The following SLC16A10 variants were observed in gnomAD, a reference collection of about 807,000 sequenced individuals.
SLC16A10 encodes the protein solute carrier family 16 member 10.
In SLC16A10, 27 loss-of-function variants were observed where a neutral mutation model predicts 40.0. That is an observed-to-expected ratio of 0.67 (90% confidence interval 0.50 to 0.93). The LOEUF is 0.93. Ranked by LOEUF, SLC16A10 falls within the 40% of genes least tolerant of loss-of-function variation. SLC16A10 has a pLI of 0.00. For missense variants in SLC16A10, 529 were observed against 658.2 expected (o/e 0.80, Z 2.15); for synonymous variants, 213 against 249.8 (o/e 0.85, Z 1.39).
intron 3 of SLC16A10, among the ~76,000 whole-genome samples, chr6:111,180,336 C>T (rs1034513784): frequency 4.6e-5 from 7 of 152,240 alleles, no homozygotes; most frequent in Admixed American, 4.6e-4. Flanking sequence ...TTGAGCCCAG[C>T]AGTTCAAGAC....
intron 1 of SLC16A10, among the ~76,000 whole-genome samples, chr6:111,158,588 C>T (rs549289364): frequency 6.6e-6 from 1 of 152,314 alleles, no homozygotes; most frequent in East Asian, 1.9e-4. Flanking sequence ...TACCACTCAC[C>T]TCCTGCTGTG....
chr6:111,111,757 G>A (rs1771390449), intron 1 of SLC16A10, among the ~76,000 whole-genome samples: 2 of 152,146 alleles, frequency 1.3e-5, no homozygotes, highest in South Asian at 4.1e-4. Context: ...GGTCGTGTAA[G>A]TATTTGTCTT....
chr6:111,095,882 C>T (rs1771065635), intron 1 of SLC16A10, among the ~76,000 whole-genome samples: 1 of 152,126 alleles, frequency 6.6e-6, no homozygotes, highest in African/African-American at 2.4e-5. Context: ...TATAAATTAC[C>T]CAGCCTCAGA....
At chr6:111,193,523 C>G (rs1240894790) in intron 3 of SLC16A10, among the ~76,000 whole-genome samples, 3 of 152,108 alleles carry the variant, frequency 2.0e-5, no homozygotes, top group African/African-American at 7.2e-5. Flanking sequence ...AGCATAGGAA[C>G]TTGACAGAAG....
chr6:111,131,464 G>A (rs948817674), intron 1 of SLC16A10, among the ~76,000 whole-genome samples: 1 of 152,160 alleles, frequency 6.6e-6, no homozygotes, highest in Admixed American at 6.5e-5. Flanking sequence ...TAAGAACAAG[G>A]ACCCCCCGGT....
At chr6:111,146,426 T>C (rs1772077600) in intron 1 of SLC16A10, among the ~76,000 whole-genome samples, 1 of 152,140 alleles carries the variant, frequency 6.6e-6, no homozygotes, top group Non-Finnish European at 1.5e-5. Flanking sequence ...TACTTTTAGG[T>C]GTATACCCAA....
chr6:111,142,684 T>C (rs1772005043), intron 1 of SLC16A10, among the ~76,000 whole-genome samples: 1 of 152,172 alleles, frequency 6.6e-6, no homozygotes, highest in South Asian at 2.1e-4. Context: ...ACTACACACT[T>C]ATTAGAATGG....
At chr6:111,188,283 C>T (rs1005964579) in intron 3 of SLC16A10, among the ~76,000 whole-genome samples, 7 of 151,214 alleles carry the variant, frequency 4.6e-5, no homozygotes, top group Non-Finnish European at 1.0e-4. Context: ...CTCTCCCTCC[C>T]TTCCTTCTTT....
intron 4 of SLC16A10, among the ~76,000 whole-genome samples, chr6:111,216,475 C>T (rs1031131707): frequency 3.3e-5 from 5 of 151,856 alleles, no homozygotes; most frequent in Admixed American, 6.6e-5. Context: ...GCGATCTCGG[C>T]TCACTGCAAG....
At chr6:111,129,131 C>T (rs759011655) in intron 1 of SLC16A10, among the ~76,000 whole-genome samples, 7 of 152,158 alleles carry the variant, frequency 4.6e-5, no homozygotes, top group African/African-American at 1.2e-4. Context: ...GAAAAGGTTA[C>T]GAGGCATTAC....
intron 3 of SLC16A10, among the ~76,000 whole-genome samples, chr6:111,179,822 G>C (rs779260805): frequency 6.6e-6 from 1 of 152,136 alleles, no homozygotes; most frequent in South Asian, 2.1e-4. Context: ...TTATCGCACC[G>C]AATGCAGCAC....
At chr6:111,209,050 G>T (rs354543) in intron 4 of SLC16A10, among the ~76,000 whole-genome samples, 116,804 of 151,886 alleles carry the variant, frequency 0.77, 45,709 homozygotes, top group Non-Finnish European at 0.86. Context: ...AAAAAAAATT[G>T]TTTTAAGTTA....
At chr6:111,116,114 C>T (rs1213402218) in intron 1 of SLC16A10, among the ~76,000 whole-genome samples, 1 of 152,118 alleles carries the variant, frequency 6.6e-6, no homozygotes, top group Non-Finnish European at 1.5e-5. Flanking sequence ...TTCAGAATCT[C>T]ACTCCCTAGC....
chr6:111,128,213 A>C (rs776193807), intron 1 of SLC16A10, among the ~76,000 whole-genome samples: 25 of 152,176 alleles, frequency 1.6e-4, no homozygotes, highest in Non-Finnish European at 3.5e-4. Flanking sequence ...TAATTATAGT[A>C]AACATTTATT....
intron 1 of SLC16A10, among the ~76,000 whole-genome samples, chr6:111,096,504 GAT>G (rs1562395490): frequency 6.6e-6 from 1 of 152,182 alleles, no homozygotes; most frequent in Non-Finnish European, 1.5e-5. Flanking sequence ...ACATAAGACA[GAT>G]AGCCTATCAG....
Position 111,087,968 on chromosome 6 carries a change from G to A in SLC16A10, c.216G>A (p.Leu72=). 2 of 1,611,424 alleles carry A rather than the reference G, an allele frequency of 1.2e-6. No homozygotes were observed. Among genetic ancestry groups the A allele is most frequent in the Non-Finnish European group, 1.7e-6 (2 of 1,179,134 alleles). ...CCCCCGAGGGCGGCTGGGGCTGGCTGGTGATGCTGGCGGCCATGTGGTGCA... is the reference window on the plus strand; with the variant it reads ...CCCCCGAGGGCGGCTGGGGCTGGCTAGTGATGCTGGCGGCCATGTGGTGCA... ...PEPPEGGWGW[L]VMLAAMWCNG... Residue 72 remains leucine (L), a synonymous_variant, in exon 1 of 6, where the codon CTG becomes CTA. Transcript: ENST00000368851.
chr6:111,093,929 A>G (rs536282508), intron 1 of SLC16A10, among the ~76,000 whole-genome samples: 190 of 152,288 alleles, frequency 1.2e-3, no homozygotes, highest in African/African-American at 4.4e-3. Context: ...TTCATACTTC[A>G]TTTCCAGAAT....
intron 1 of SLC16A10, among the ~76,000 whole-genome samples, chr6:111,158,978 G>A (rs1313265350): frequency 1.3e-5 from 2 of 148,246 alleles, no homozygotes; most frequent in Admixed American, 6.8e-5. Context: ...TCGGGAGCCT[G>A]AGGTGGGAGG....
chr6:111,106,237 C>G (rs1259481038), intron 1 of SLC16A10, among the ~76,000 whole-genome samples: 2 of 152,142 alleles, frequency 1.3e-5, no homozygotes, highest in Non-Finnish European at 2.9e-5. Flanking sequence ...CAAGAAGAGA[C>G]TTGATAGTAG....
Sources: gnomAD v4.1 joint callset for allele counts (sites outside exome capture counted in the v4.1 genomes callset) on GRCh38, gnomAD v4.1.1 for gene constraint, MANE v1.5 for transcripts, NCBI Gene and HGNC (gene_info 2026-07-23, HGNC 2026-07-21) for gene names.